Variants in TBXA2R observed in about 807,000 individuals in gnomAD.
The protein encoded by TBXA2R is prostanoid TP receptor.
A neutral mutation model predicts 15.6 loss-of-function variants in TBXA2R; 15 were observed. The observed-to-expected ratio is 0.96, with a 90% CI of 0.64 to 1.48. The LOEUF (loss-of-function observed/expected upper bound fraction) is 1.48, where lower values mean the gene tolerates loss of function less well. TBXA2R is among the 40% of genes most tolerant of loss of function. The pLI is 0.00. For synonymous variants in TBXA2R, 280 were observed against 241.2 expected (o/e 1.16, Z -1.49); for missense variants, 506 against 491.4 (o/e 1.03, Z -0.28).
rs370093382 is a variant in TBXA2R, at chr19:3,601,006, G to A, written c.-83-289C>T. Among the ~76,000 whole-genome samples the A allele has an allele frequency of 7.7e-4, 116 of 151,498 alleles. 3 individuals are homozygous for A. In the East Asian group the frequency reaches 0.01, roughly 14 times the overall value. On this transcript the variant is annotated intron_variant, in intron 1 of 2. Coordinates refer to ENST00000375190, the MANE Select transcript of TBXA2R (RefSeq NM_001060.6). ...CTGTAGTAAGTAGTCCTCCCGCCTCGGCCTCCCAAAGTGCTGGGATTACAG... is the reference window on the plus strand; with the variant it reads ...CTGTAGTAAGTAGTCCTCCCGCCTCAGCCTCCCAAAGTGCTGGGATTACAG...
intron 1 of TBXA2R, among the ~76,000 whole-genome samples, chr19:3,602,733 C>G (rs1387390134): frequency 4.8e-5 from 7 of 147,348 alleles, no homozygotes; most frequent in Non-Finnish European, 8.9e-5. Context: ...CTGAACCAAC[C>G]TGAGCAACAA....
At chr19:3,598,616 C>A (rs377306627) in intron 2 of TBXA2R, among the ~76,000 whole-genome samples, 1 of 151,546 alleles carries the variant, frequency 6.6e-6, no homozygotes, top group Non-Finnish European at 1.5e-5. Context: ...CCTCTCAAAG[C>A]GCTGGGATTA....
intron 1 of TBXA2R, among the ~76,000 whole-genome samples, chr19:3,606,116 CACAG>C (rs1212442283): frequency 6.6e-6 from 1 of 152,206 alleles, no homozygotes; most frequent in African/African-American, 2.4e-5. Flanking sequence ...CACGCACAGA[CACAG>C]ACACACAACC....
At position 3,600,010 on chromosome 19, in the gene TBXA2R, C is replaced by A; in HGVS notation, c.625G>T (p.Gly209Trp). 1.2e-6 allele frequency: 2 copies of A among 1,611,210 alleles called. No individual in the cohort carries two copies. Among genetic ancestry groups the A allele is most frequent in the Non-Finnish European group, 8.5e-7 (1 of 1,179,092 alleles). ...LFSMLGGLSV[G>W]LSFLLNTVSV... ...ACCGTGTTCAGCAGGAAGGACAGCCCGACCGAGAGGCCGCCCAGCATGGAG... is the reference window on the plus strand; with the variant it reads ...ACCGTGTTCAGCAGGAAGGACAGCCAGACCGAGAGGCCGCCCAGCATGGAG... Residue 209 changes from glycine (G) to tryptophan (W), a missense_variant, in exon 2 of 3, where the codon GGG becomes TGG. Physicochemically the swap from Gly to Trp is radical, Grantham distance 184 (BLOSUM62 -2). Coordinates refer to ENST00000375190, the MANE Select transcript of TBXA2R (RefSeq NM_001060.6).
chr19:3,606,291 G>GC (rs1389572922), intron 1 of TBXA2R, among the ~76,000 whole-genome samples: 2 of 152,142 alleles, frequency 1.3e-5, no homozygotes, highest in East Asian at 1.9e-4. Context: ...AGACCAGAGA[G>GC]CCCCCCGGAC....
Position 3,595,747 on chromosome 19 carries a change from TGCTGAGGCGAG to T in TBXA2R, c.962_972del (p.Pro321HisfsTer66), listed in dbSNP as rs1229635051. 6.2e-7 allele frequency: 1 copy of T among 1,605,436 alleles called. No homozygotes were observed. The highest frequency in any genetic ancestry group is 2.2e-5 in the East Asian group (1 of 44,584). On this transcript the variant is annotated frameshift_variant, in exon 3 of 3. Transcript: ENST00000375190. LOFTEE classifies it low-confidence loss of function (END_TRUNC). The stretch of plus-strand genomic sequence containing the variant: ...TGGAGGGACAGCGACCTGGGCCGGG[TGCTGAGGCGAG>T]GCTGGAGACGCCGGAGCACGGCGCG...
intron 1 of TBXA2R, among the ~76,000 whole-genome samples, chr19:3,604,500 A>G (rs2238632): frequency 0.43 from 64,344 of 151,354 alleles, 14,579 homozygotes; most frequent in East Asian, 0.68. Context: ...TCCCTGGAGC[A>G]CGTCACCTCA....
At position 3,600,460 on chromosome 19, in the gene TBXA2R, T is replaced by C. The variant is rs1167238982; in HGVS notation, c.175A>G (p.Thr59Ala). 15 of 1,612,570 alleles carry C rather than the reference T, an allele frequency of 9.3e-6. No individual in the cohort carries two copies. Among genetic ancestry groups the C allele is most frequent in the Non-Finnish European group, 1.3e-5 (15 of 1,179,638 alleles). Residue 59 changes from threonine to alanine, a missense_variant, in exon 2 of 3, where the codon ACG (threonine) becomes GCG (alanine). Transcript: ENST00000375190. ...LAGARQGGSH[T>A]RSSFLTFLCG... ...AGGAAGGTGAGGAAGGAGGAGCGCGTGTGCGAACCCCCCTGCCGCGCGCCC... is the reference window on the plus strand; with the variant it reads ...AGGAAGGTGAGGAAGGAGGAGCGCGCGTGCGAACCCCCCTGCCGCGCGCCC...
rs1342212498 is a variant in TBXA2R, at chr19:3,595,786, G to A, written c.934C>T (p.Arg312Cys). 3.7e-6 allele frequency: 6 copies of A among 1,610,572 alleles called. 1 individual carries two copies. The highest frequency in any genetic ancestry group is 3.3e-5 in the South Asian group (3 of 90,434). ...TGGAGACGCCGGAGCACGGCGCGGC[G>A]GAACAGGATATACACCCAGGGGTCC... The part of the protein sequence containing the change: ...ILDPWVYILF[R>C]RAVLRRLQPR... The change falls in exon 3 of 3, where the codon CGC becomes TGC. Residue 312 changes from arginine (R) to cysteine (C), a missense_variant. Physicochemically the swap from Arg to Cys is radical, Grantham distance 180. Coordinates refer to ENST00000375190, the MANE Select transcript of TBXA2R (RefSeq NM_001060.6).
Position 3,605,206 on chromosome 19 carries a change from A to G in TBXA2R, c.-84+1324T>C, listed in dbSNP as rs531224534. Among the ~76,000 whole-genome samples the G allele has an allele frequency of 2.0e-5, 3 of 152,236 alleles. No homozygotes were observed. The East Asian group carries it at 5.8e-4, about 29-fold the overall frequency. On this transcript the variant is annotated intron_variant, in intron 1 of 2. Coordinates refer to ENST00000375190, the MANE Select transcript of TBXA2R (RefSeq NM_001060.6). ...GGGGCTCCCCAGGGAGCATGTACGG[A>G]GCTCCGTCACACAGGGGCCAGCAGG...
In TBXA2R at chr19:3,600,140, C is replaced by T; in HGVS notation, c.495G>A (p.Leu165=). The T allele has an allele frequency of 3.7e-6, 6 of 1,609,778 alleles. No individual in the cohort carries two copies. The highest frequency in any genetic ancestry group is 5.1e-6 in the Non-Finnish European group (6 of 1,178,744). Residue 165 remains leucine, a synonymous_variant, in exon 2 of 3, where the codon CTG becomes CTA. Coordinates refer to ENST00000375190, the MANE Select transcript of TBXA2R (RefSeq NM_001060.6). Reference sequence around the variant, plus strand: ...AGCGACCCACGCCCAGCAGGGGCAGCAGGCCCAGCGCCAGCGCGGCCGCCC... The same window carrying T: ...AGCGACCCACGCCCAGCAGGGGCAGTAGGCCCAGCGCCAGCGCGGCCGCCC... ...LVWAAALALG[L]LPLLGVGRYT... is the part of the protein sequence containing the mutation.
At chr19:3,597,922 A>T (rs2032634104) in intron 2 of TBXA2R, 1 of 152,296 alleles carries the variant, frequency 6.6e-6, no homozygotes, top group Middle Eastern at 3.1e-3. Flanking sequence ...CAACAGTGCG[A>T]GACTCCATCT....
At chr19:3,604,918 T>C (rs2032801860) in intron 1 of TBXA2R, among the ~76,000 whole-genome samples, 1 of 152,134 alleles carries the variant, frequency 6.6e-6, no homozygotes, top group Non-Finnish European at 1.5e-5. Flanking sequence ...GACCCTCCCA[T>C]GCCTGCTGTA....
In TBXA2R at chr19:3,594,733, C is replaced by T; in HGVS notation, c.*955G>A. The T allele has an allele frequency of 9.8e-7, 1 of 1,022,854 alleles. No individual in the cohort carries two copies. Among genetic ancestry groups the T allele is most frequent in the South Asian group, 1.6e-5 (1 of 62,620 alleles). The allele number at this position is 1,022,854 out of a possible 1,614,324, so 63.4% of individuals were successfully genotyped here. A position where few individuals can be genotyped will look rare whatever the true frequency, so the allele number is the denominator to read the frequency against. ...GCCCTCGTCTGCTCCGGGTGAGGCC[C>T]AATGCACAAACTCCAGAGATTGAAA... On this transcript the variant is annotated 3_prime_UTR_variant, in exon 3 of 3. Transcript: ENST00000375190.
At chr19:3,602,597 G>A (rs1160180031) in intron 1 of TBXA2R, among the ~76,000 whole-genome samples, 3 of 151,884 alleles carry the variant, frequency 2.0e-5, no homozygotes, top group Non-Finnish European at 4.4e-5. Context: ...AAAATTAGCC[G>A]GGTGTGGTGG....
In TBXA2R at chr19:3,595,377, T is replaced by TAA; in HGVS notation, c.*309_*310dup. On this transcript the variant is annotated 3_prime_UTR_variant, in exon 3 of 3. Coordinates refer to ENST00000375190, the MANE Select transcript of TBXA2R (RefSeq NM_001060.6). ...CTGGGGGACAGAGCAAGACTCCGTC[T>TAA]AAAAAAAAAAATAGCAATGCAAGAC... The TAA allele has an allele frequency of 1.5e-5, 15 of 1,027,988 alleles. No individual in the cohort carries two copies. Among genetic ancestry groups the TAA allele is most frequent in the South Asian group, 5.2e-5 (2 of 38,388 alleles). The allele number at this position is 1,027,988 out of a possible 1,614,324, so 63.7% of individuals were successfully genotyped here.
rs200498700 is a variant in TBXA2R, at chr19:3,595,654, C to A, written c.*34G>T. On this transcript the variant is annotated 3_prime_UTR_variant, in exon 3 of 3. Coordinates refer to ENST00000375190, the MANE Select transcript of TBXA2R (RefSeq NM_001060.6). ...GCTGTCCGAGGGGCCAAGGGCTCCG[C>A]GGAAAGGCGCGGGAGGGGCGCTCTG... is the stretch of plus-strand genomic sequence containing the variant. 6.5e-6 allele frequency: 10 copies of A among 1,542,056 alleles called. No homozygotes were observed. In the South Asian group the frequency reaches 1.2e-4, roughly 19 times the overall value.
In TBXA2R at chr19:3,595,653, G is replaced by A. The variant is rs902163191; in HGVS notation, c.*35C>T. On this transcript the variant is annotated 3_prime_UTR_variant, in exon 3 of 3. Transcript: ENST00000375190. ...GGCTGTCCGAGGGGCCAAGGGCTCC[G>A]CGGAAAGGCGCGGGAGGGGCGCTCT... The A allele has an allele frequency of 4.5e-6, 7 of 1,540,918 alleles. No individual in the cohort carries two copies. Among genetic ancestry groups the A allele is most frequent in the South Asian group, 2.4e-5 (2 of 82,502 alleles).
intron 2 of TBXA2R, among the ~76,000 whole-genome samples, chr19:3,598,350 C>CTTTCTTTTCTTTT (rs2032643668): frequency 3.5e-5 from 2 of 56,574 alleles, no homozygotes; most frequent in Non-Finnish European, 8.3e-5. Context: ...CTTTTCTTTT[C>CTTTCTTTTCTTTT]TTTTTTTTTT....
Sources: allele counts gnomAD v4.1 joint callset (sites outside exome capture counted in the v4.1 genomes callset), GRCh38; gene constraint gnomAD v4.1.1; transcripts MANE v1.5; gene names NCBI Gene and HGNC (gene_info 2026-07-23, HGNC 2026-07-21).